Variants in VWDE observed in about 807,000 individuals in gnomAD.
The protein encoded by VWDE is von Willebrand factor D and EGF domain-containing protein.
A neutral mutation model predicts 178.4 loss-of-function variants in VWDE; 207 were observed. The observed-to-expected ratio is 1.16, with a 90% CI of 1.04 to 1.30. The LOEUF is 1.30. VWDE is among the 50% of genes most tolerant of loss of function. VWDE has a pLI of 0.00. For synonymous variants in VWDE, 738 were observed against 651.4 expected (o/e 1.13, Z -2.02); for missense variants, 2,287 against 1,901.3 (o/e 1.20, Z -3.77).
rs139605380 is a variant in VWDE at position 12,393,764 on chromosome 7, G to A, written c.73C>T (p.Pro25Ser). 9.9e-3 allele frequency: 15,355 copies of A among 1,550,030 alleles called. 84 individuals carry two copies. Among genetic ancestry groups the A allele is most frequent in the Non-Finnish European group, 0.011 (13,014 of 1,146,194 alleles). ...CTCCGAAGAAACTGGTGTCCCCCAG[G>A]AGAGCACTCCTGAGCTAGTATGGAA... Reference protein sequence around the residue: ...LAWGEAQECSPGGHQFLRSPY... With the variant: ...LAWGEAQECSSGGHQFLRSPY... Residue 25 changes from proline (P) to serine (S), a missense_variant, in exon 2 of 29, where the codon CCT becomes TCT. By Grantham distance (74) the Pro-to-Ser change is moderately conservative. Transcript: ENST00000275358.
rs1027199202 is a variant in VWDE, at chr7:12,370,691, A to T, written c.1761T>A (p.Asn587Lys). The T allele has an allele frequency of 6.4e-7, 1 of 1,551,178 alleles. No homozygotes were observed. The change falls in exon 11 of 29, where the codon AAT (asparagine) becomes AAA (lysine). Residue 587 changes from asparagine to lysine, a missense_variant. By Grantham distance (94) the Asn-to-Lys change is moderately conservative. Coordinates refer to ENST00000275358, the MANE Select transcript of VWDE (RefSeq NM_001135924.3). ...TAATAAAAGCAACATAATTGTTAAA[A>T]TTTTGATCAATTTGCATCCCATTTT... ...HDKNGMQIDQ[N>K]FNNYVAFINE...
intron 23 of VWDE, among the ~76,000 whole-genome samples, chr7:12,340,972 T>C (rs777401057): frequency 1.3e-5 from 2 of 152,184 alleles, no homozygotes; most frequent in Non-Finnish European, 2.9e-5. Flanking sequence ...TCCCCAATTT[T>C]ATTTTTCACC....
intron 28 of VWDE, among the ~76,000 whole-genome samples, chr7:12,331,957 T>C (rs1015434512): frequency 6.6e-6 from 1 of 152,124 alleles, no homozygotes; most frequent in African/African-American, 2.4e-5. Flanking sequence ...ATGCAATCAG[T>C]AAGCTCCATT....
chr7:12,393,757 C>A lies in VWDE; in HGVS notation c.80G>T (p.Gly27Val), dbSNP rs1329023853. The change falls in exon 2 of 29, where the codon GGA becomes GTA. Residue 27 changes from glycine to valine, a missense_variant. Physicochemically the swap from Gly to Val is moderately radical, Grantham distance 109. Transcript: ENST00000275358. ...ATAAGGACTCCGAAGAAACTGGTGT[C>A]CCCCAGGAGAGCACTCCTGAGCTAG... is the stretch of plus-strand genomic sequence containing the variant. ...WGEAQECSPGGHQFLRSPYRS... is the reference protein window; with the variant it reads ...WGEAQECSPGVHQFLRSPYRS... The A allele has an allele frequency of 6.5e-7, 1 of 1,549,686 alleles. No homozygotes were observed. Among genetic ancestry groups the A allele is most frequent in the Non-Finnish European group, 8.7e-7 (1 of 1,146,120 alleles).
intron 19 of VWDE, among the ~76,000 whole-genome samples, chr7:12,348,837 C>A (rs541761087): frequency 6.5e-4 from 99 of 151,542 alleles, no homozygotes; most frequent in African/African-American, 2.3e-3. Flanking sequence ...AAATGTCCAA[C>A]AACGATAGAC....
At chr7:12,358,373 C>CAAA (rs112383586) in intron 16 of VWDE, among the ~76,000 whole-genome samples, 31 of 146,376 alleles carry the variant, frequency 2.1e-4, no homozygotes, top group Admixed American at 2.7e-4. Context: ...GATTCTGTCT[C>CAAA]AAAAAATAAA....
chr7:12,376,052 T>G (rs1490677453), intron 7 of VWDE, among the ~76,000 whole-genome samples: 4 of 152,062 alleles, frequency 2.6e-5, no homozygotes, highest in Non-Finnish European at 4.4e-5. Context: ...CCATACAGAT[T>G]TTTTAGGTAT....
intron 19 of VWDE, among the ~76,000 whole-genome samples, chr7:12,345,464 G>A (rs994608860): frequency 6.6e-6 from 1 of 152,100 alleles, no homozygotes; most frequent in Non-Finnish European, 1.5e-5. Context: ...TCTGAGCTTG[G>A]CACACAGGAA....
intron 4 of VWDE, among the ~76,000 whole-genome samples, chr7:12,381,764 G>A (rs1363759058): frequency 6.6e-6 from 1 of 151,598 alleles, no homozygotes; most frequent in Non-Finnish European, 1.5e-5. Context: ...ATATATCTGA[G>A]TAAAAATTTA....
chr7:12,333,783 C>G (rs1780863159), intron 27 of VWDE: 1 of 373,724 alleles, frequency 2.7e-6, no homozygotes, highest in Admixed American at 4.5e-5. Flanking sequence ...TCAAACAACA[C>G]TTTTGGAATT....
At chr7:12,365,943 G>A (rs553211243) in intron 13 of VWDE, among the ~76,000 whole-genome samples, 4 of 152,184 alleles carry the variant, frequency 2.6e-5, no homozygotes, top group African/African-American at 7.2e-5. Context: ...GGGATCGAGG[G>A]AGGGACATAG....
In VWDE at chr7:12,389,376, AC is replaced by A. The variant is rs912151351; in HGVS notation, c.244-19del. ...TGGTTCATCTTTTGCAGGAGAGAAA[AC>A]AAAAGTTGAAAATTCAGTTTATTTT... On this transcript the variant is annotated intron_variant, in intron 2 of 28. Coordinates refer to ENST00000275358, the MANE Select transcript of VWDE (RefSeq NM_001135924.3). 2.6e-6 allele frequency: 4 copies of A among 1,512,230 alleles called. No individual in the cohort carries two copies. Among genetic ancestry groups the A allele is most frequent in the African/African-American group, 2.8e-5 (2 of 71,924 alleles). 93.7% of individuals were successfully genotyped at this position (1,512,230 alleles called of 1,614,324 possible).
In VWDE at chr7:12,336,185, A is replaced by C; in HGVS notation, c.4610T>G (p.Ile1537Arg). ...TTCCCAGGAGGAAGGACAATGGCAT[A>C]TGCTGGGCGCAATGCATTCACCACC... is the stretch of plus-strand genomic sequence containing the variant. ...KNGGECIAPS[I>R]CHCPSSWEGV... Residue 1537 changes from isoleucine (I) to arginine (R), a missense_variant, in exon 27 of 29, where the codon ATA becomes AGA. Coordinates refer to ENST00000275358, the MANE Select transcript of VWDE (RefSeq NM_001135924.3). 1 of 1,551,524 alleles carries C rather than the reference A, an allele frequency of 6.4e-7. No individual in the cohort carries two copies. The highest frequency in any genetic ancestry group is 8.7e-7 in the Non-Finnish European group (1 of 1,146,908).
chr7:12,390,397 T>C (rs1054476616), intron 2 of VWDE, among the ~76,000 whole-genome samples: 2 of 151,934 alleles, frequency 1.3e-5, no homozygotes, highest in African/African-American at 4.8e-5. Context: ...CAAAGTGCCA[T>C]AGTGAGGTAT....
At chr7:12,340,981 C>G (rs73292397) in intron 23 of VWDE, among the ~76,000 whole-genome samples, 2,830 of 152,164 alleles carry the variant, frequency 0.019, 81 homozygotes, top group African/African-American at 0.064. Flanking sequence ...TTATTTTTCA[C>G]CCTAGATCCT....
rs1350860215 is a variant in VWDE at position 12,370,722 on chromosome 7, T to C, written c.1730A>G (p.His577Arg). The change falls in exon 11 of 29, where the codon CAT (histidine) becomes CGT (arginine). Residue 577 changes from histidine (H) to arginine (R), a missense_variant. By Grantham distance (29) the His-to-Arg change is conservative. Transcript: ENST00000275358. ...TFDENPENDF[H>R]DKNGMQIDQN... ...ATCAATTTGCATCCCATTTTTGTCA[T>C]GGAAATCATTTTCCGGATTTTCATC... 19 of 1,551,108 alleles carry C rather than the reference T, an allele frequency of 1.2e-5. No homozygotes were observed. The highest frequency in any genetic ancestry group is 1.6e-5 in the Non-Finnish European group (18 of 1,146,706).
chr7:12,333,400 C>G, intron 28 of VWDE, 65 bp downstream of exon 28: 1 of 917,200 alleles, frequency 1.1e-6, no homozygotes, highest in South Asian at 2.1e-5. Context: ...GTAACAATTA[C>G]TAAGTAGAAG....
chr7:12,400,845 A>T (rs1192000587), intron 1 of VWDE, among the ~76,000 whole-genome samples: 1 of 152,180 alleles, frequency 6.6e-6, no homozygotes, highest in Non-Finnish European at 1.5e-5. Context: ...AACATAAAGC[A>T]TACATATAGA....
chr7:12,333,572 C>A lies in VWDE; in HGVS notation c.4655-4G>T, dbSNP rs959444884. The A allele has an allele frequency of 1.3e-6, 2 of 1,544,866 alleles. No homozygotes were observed. The highest frequency in any genetic ancestry group is 1.4e-5 in the African/African-American group (1 of 72,866). On this transcript the variant is annotated splice_polypyrimidine_tract_variant and splice_region_variant and intron_variant, in intron 27 of 28. Coordinates refer to ENST00000275358, the MANE Select transcript of VWDE (RefSeq NM_001135924.3). Reference sequence around the variant, plus strand: ...AGACATTTTGGGTTGCAAATTGCTGCAATACACAAATTTTTACAATGACCA... The same window carrying A: ...AGACATTTTGGGTTGCAAATTGCTGAAATACACAAATTTTTACAATGACCA...
Sources: gnomAD v4.1 joint callset for allele counts (sites outside exome capture counted in the v4.1 genomes callset) on GRCh38, gnomAD v4.1.1 for gene constraint, MANE v1.5 for transcripts, NCBI Gene and HGNC (gene_info 2026-07-23, HGNC 2026-07-21) for gene names.